Variants in TRPC5OS observed in about 807,000 individuals in gnomAD.
TRPC5OS encodes TRPC5 opposite strand, also known as putative uncharacterized protein TRPC5OS.
For synonymous variants in TRPC5OS, 30 were observed against 29.3 expected (o/e 1.02, Z -0.08); for missense variants, 64 against 79.3 (o/e 0.81, Z 0.73).
intron 1 of TRPC5OS, among the ~76,000 whole-genome samples, chrX:111,880,672 G>A (rs747661096): frequency 2.1e-4 from 24 of 112,217 alleles, no homozygotes; most frequent in Non-Finnish European, 4.3e-4. Flanking sequence ...CTCCTAATGT[G>A]CAATGAATCA....
intron 1 of TRPC5OS, among the ~76,000 whole-genome samples, chrX:111,893,981 GGTAAC>G (rs1924939097): frequency 1.8e-5 from 2 of 111,546 alleles, no homozygotes; most frequent in African/African-American, 6.5e-5. Context: ...GGGTGAAGAG[GGTAAC>G]GAGAAGTTAT....
At chrX:111,891,634 G>A (rs1382922168) in intron 1 of TRPC5OS, among the ~76,000 whole-genome samples, 1 of 111,425 alleles carries the variant, frequency 9.0e-6, no homozygotes, top group East Asian at 2.8e-4. Context: ...TCCGCCTCCC[G>A]GGTTCAAGCG....
chrX:111,879,427 G>C (rs891779316), intron 1 of TRPC5OS, among the ~76,000 whole-genome samples: 5 of 112,114 alleles, frequency 4.5e-5, no homozygotes, highest in Non-Finnish European at 9.4e-5. Context: ...TGAACTAGGA[G>C]TGAGAATAAG....
rs949063996 is a variant in TRPC5OS at position 111,877,794 on chromosome X, C to T, written c.-546+1521C>T. ...GCAGCAGGCTGGAGGTGGTGGCACA[C>T]CTACCTATGTAGGTTGGCTGTAAAA... On this transcript the variant is annotated intron_variant, in intron 1 of 3. Transcript: ENST00000635763. Among the ~76,000 whole-genome samples the T allele has an allele frequency of 5.4e-5, 6 of 111,292 alleles. No homozygotes were observed. In the South Asian group the frequency reaches 2.3e-3, roughly 43 times the overall value.
At chrX:111,882,621 A>G (rs1463735682) in intron 1 of TRPC5OS, among the ~76,000 whole-genome samples, 2 of 113,177 alleles carry the variant, frequency 1.8e-5, no homozygotes, top group Non-Finnish European at 3.7e-5. Context: ...AGCTCTAGCC[A>G]TGAACTTGGC....
At chrX:111,880,913 C>G (rs937353829) in intron 1 of TRPC5OS, among the ~76,000 whole-genome samples, 1 of 111,762 alleles carries the variant, frequency 8.9e-6, no homozygotes, top group Admixed American at 9.5e-5. Flanking sequence ...AGACTGGCTA[C>G]TTCCTCACAA....
At chrX:111,884,221 T>C (rs765063454) in intron 1 of TRPC5OS, among the ~76,000 whole-genome samples, 51 of 112,604 alleles carry the variant, frequency 4.5e-4, no homozygotes, top group Non-Finnish European at 9.2e-4. Context: ...TAAGGTATTA[T>C]CAGAGTATTT....
At chrX:111,898,275 A>ATATG (rs1485429369) in intron 3 of TRPC5OS, among the ~76,000 whole-genome samples, 1 of 96,763 alleles carries the variant, frequency 1.0e-5, no homozygotes, top group Non-Finnish European at 2.0e-5. Flanking sequence ...ATATATATAT[A>ATATG]TAGACACACA....
rs1925467601 is a variant in TRPC5OS at position 111,903,594 on chromosome X, A to G, written c.*1409A>G. The G allele has an allele frequency of 8.9e-6, 1 of 112,348 alleles. No homozygotes were observed. Among genetic ancestry groups the G allele is most frequent in the Admixed American group, 9.4e-5 (1 of 10,630 alleles). The allele number at this position is 112,348 out of a possible 1,213,427, so 9.3% of individuals were successfully genotyped here. On this transcript the variant is annotated 3_prime_UTR_variant, in exon 4 of 4. Coordinates refer to ENST00000635763, the MANE Select transcript of TRPC5OS (RefSeq NM_001195578.2). ...CACTGACTGGATATCGCTGATTGAA[A>G]TCCTGCATCTCCTCCAGGAGAATGG...
intron 1 of TRPC5OS, among the ~76,000 whole-genome samples, chrX:111,887,461 C>G (rs913628845): frequency 1.8e-5 from 2 of 112,052 alleles, no homozygotes; most frequent in Admixed American, 1.9e-4. Context: ...CCCTTCCTAA[C>G]AAAGAATCTG....
chrX:111,902,109 A>G lies in TRPC5OS; in HGVS notation c.260A>G (p.Asp87Gly), dbSNP rs1410272821. Residue 87 changes from aspartate (D) to glycine (G), a missense_variant, in exon 4 of 4, where the codon GAT becomes GGT. By Grantham distance (94) the Asp-to-Gly change is moderately conservative (BLOSUM62 -1). Transcript: ENST00000635763. Reference protein sequence around the residue: ...REDEDLIFDIDQAMLDMDNLY... With the variant: ...REDEDLIFDIGQAMLDMDNLY... Reference sequence around the variant, plus strand: ...GATGAAGACCTAATATTTGATATAGATCAGGCTATGTTAGACATGGATAAC... The same window carrying G: ...GATGAAGACCTAATATTTGATATAGGTCAGGCTATGTTAGACATGGATAAC... 3 of 1,152,665 alleles carry G rather than the reference A, an allele frequency of 2.6e-6. No individual in the cohort carries two copies. Among genetic ancestry groups the G allele is most frequent in the African/African-American group, 1.8e-5 (1 of 55,673 alleles). The allele number at this position is 1,152,665 out of a possible 1,213,427, so 95.0% of individuals were successfully genotyped here.
chrX:111,890,799 C>T (rs867055257), intron 1 of TRPC5OS, among the ~76,000 whole-genome samples: 2 of 111,611 alleles, frequency 1.8e-5, no homozygotes. Context: ...GTTTGTTTTA[C>T]AGATTATTTT....
intron 1 of TRPC5OS, among the ~76,000 whole-genome samples, chrX:111,888,693 CA>C (rs753735549): frequency 0.06 from 653 of 10,917 alleles, 2 homozygotes; most frequent in Middle Eastern, 0.1. Flanking sequence ...GACTCTATCT[CA>C]AAAAAAAAAA....
chrX:111,891,284 A>T, intron 1 of TRPC5OS, among the ~76,000 whole-genome samples: 1 of 111,897 alleles, frequency 8.9e-6, no homozygotes, highest in East Asian at 2.8e-4. Flanking sequence ...TCTTTGAGGA[A>T]TTGCCACACT....
rs905944289 is a variant in TRPC5OS, at chrX:111,903,685, C to G, written c.*1500C>G. 2 of 111,704 alleles carry G rather than the reference C, an allele frequency of 1.8e-5. No homozygotes were observed. The highest frequency in any genetic ancestry group is 6.5e-5 in the African/African-American group (2 of 30,737). The allele number at this position is 111,704 out of a possible 1,213,427, so 9.2% of individuals were successfully genotyped here. ...TATCTTCTTAAGACCAGTGTTAAAG[C>G]CAATTATTATATAGCATGGCAGAAA... On this transcript the variant is annotated 3_prime_UTR_variant, in exon 4 of 4. Transcript: ENST00000635763.
At chrX:111,877,729 T>A (rs746437239) in intron 1 of TRPC5OS, among the ~76,000 whole-genome samples, 1 of 110,916 alleles carries the variant, frequency 9.0e-6, no homozygotes, top group South Asian at 3.9e-4. Context: ...CATAAATGAA[T>A]GAATAAAATA....
At chrX:111,877,587 T>C (rs1432657065) in intron 1 of TRPC5OS, among the ~76,000 whole-genome samples, 1 of 111,124 alleles carries the variant, frequency 9.0e-6, no homozygotes, top group East Asian at 2.8e-4. Flanking sequence ...AGAGTCAGAG[T>C]CAGAGGCACA....
At chrX:111,890,712 A>T (rs754516101) in intron 1 of TRPC5OS, among the ~76,000 whole-genome samples, 1 of 112,212 alleles carries the variant, frequency 8.9e-6, no homozygotes. Context: ...AAAATTAAAT[A>T]AAAAATTTTA....
upstream of TRPC5OS, chrX:111,876,054 A>G (rs1228690453): frequency 9.0e-6 from 1 of 110,847 alleles, no homozygotes; most frequent in Admixed American, 9.6e-5. Context: ...AAAAACTAGA[A>G]AAGACAAATG....
Sources: allele counts gnomAD v4.1 joint callset (sites outside exome capture counted in the v4.1 genomes callset), GRCh38; gene constraint gnomAD v4.1.1; transcripts MANE v1.5; gene names NCBI Gene and HGNC (gene_info 2026-07-23, HGNC 2026-07-21).